CLTCL1: variants seen among roughly 807,000 people sequenced by gnomAD.
CLTCL1 encodes the protein clathrin heavy chain like 1.
In CLTCL1, 159 loss-of-function variants were observed where a neutral mutation model predicts 190.0. That is an observed-to-expected ratio of 0.84 (90% CI 0.74 to 0.95). The LOEUF (loss-of-function observed/expected upper bound fraction) is 0.95. CLTCL1 is among the 40% of genes least tolerant of loss of function. The pLI, the probability that CLTCL1 is intolerant of heterozygous loss-of-function variation, is 0.00. For missense variants in CLTCL1, 1,878 were observed against 2,033.4 expected, an observed-to-expected ratio of 0.92 and a Z score of 1.47; for synonymous variants, 752 against 769.6, an observed-to-expected ratio of 0.98 and a Z score of 0.38.
intron 22 of CLTCL1, 79 bp from the exon 23 acceptor site, chr22:19,201,572 G>A: frequency 7.0e-7 from 1 of 1,427,974 alleles, no homozygotes; most frequent in Non-Finnish European, 9.7e-7. Flanking sequence ...GTTCCTAGAT[G>A]GCAGAGGTAT....
At chr22:19,256,668 T>A (rs1471379517) in intron 2 of CLTCL1, among the ~76,000 whole-genome samples, 5 of 119,620 alleles carry the variant, frequency 4.2e-5, no homozygotes, top group Non-Finnish European at 9.2e-5. Context: ...TAATTTTTAA[T>A]TTTTTTTTTT....
At position 19,282,884 on chromosome 22, in the gene CLTCL1, TTTTA is replaced by T. The variant is rs1555987751; in HGVS notation, c.43-7058_43-7055del. 2.6e-5 allele frequency among the ~76,000 whole-genome samples: 4 copies of T among 151,034 alleles called. No individual in the cohort carries two copies. In the South Asian group the frequency reaches 8.3e-4, roughly 31 times the overall value. ...TTTCTTTCTTTCCTTTTTTTTTTTTTTTTAGACAGAGTCTTACTCTGTCACCCAG... is the reference window on the plus strand; with the variant it reads ...TTTCTTTCTTTCCTTTTTTTTTTTTTGACAGAGTCTTACTCTGTCACCCAG... On this transcript the variant is annotated intron_variant, in intron 1 of 32. Transcript: ENST00000427926.
chr22:19,204,321 C>A (rs2084986703), intron 22 of CLTCL1, among the ~76,000 whole-genome samples: 1 of 152,174 alleles, frequency 6.6e-6, no homozygotes, highest in Non-Finnish European at 1.5e-5. Flanking sequence ...GGCTCCTGCA[C>A]CCCACAATGC....
Position 19,266,038 on chromosome 22 carries a change from A to C in CLTCL1, c.250+9585T>G, listed in dbSNP as rs142558362. ...ACAGACACGTACTACCACACTGGCT[A>C]GTTTTTTGTTTTTGTTTTTTAATTT... On this transcript the variant is annotated intron_variant, in intron 2 of 32. Transcript: ENST00000427926. 2.9e-3 allele frequency among the ~76,000 whole-genome samples: 446 copies of C among 151,690 alleles called. 2 individuals carry two copies. The highest frequency in any genetic ancestry group is 9.6e-3 in the African/African-American group (395 of 41,296).
intron 5 of CLTCL1, among the ~76,000 whole-genome samples, chr22:19,236,290 T>C (rs1382037176): frequency 1.3e-5 from 2 of 152,362 alleles, no homozygotes; most frequent in East Asian, 1.9e-4. Context: ...ACTCCATTTA[T>C]CTTTCAGGTA....
intron 2 of CLTCL1, among the ~76,000 whole-genome samples, chr22:19,266,939 TC>T (rs1481837379): frequency 2.0e-5 from 3 of 152,134 alleles, no homozygotes; most frequent in Non-Finnish European, 4.4e-5. Context: ...CAGAAATAAT[TC>T]AACGATTTCT....
At chr22:19,249,797 C>A (rs2086534339) in intron 3 of CLTCL1, 1 of 231,600 alleles carries the variant, frequency 4.3e-6, no homozygotes, top group South Asian at 4.7e-5. Flanking sequence ...GTTTCCCTTC[C>A]CTTTAATCAG....
At position 19,218,231 on chromosome 22, in the gene CLTCL1, T is replaced by C. The variant is rs138068019; in HGVS notation, c.2919+1654A>G. On this transcript the variant is annotated intron_variant, in intron 18 of 32. Transcript: ENST00000427926. ...CAGTGTTAAAGTGGCCCTTCCCCAGTACCAACATGAAGTCACCTTCAAGGT... is the reference window on the plus strand; with the variant it reads ...CAGTGTTAAAGTGGCCCTTCCCCAGCACCAACATGAAGTCACCTTCAAGGT... Among the ~76,000 whole-genome samples the C allele has an allele frequency of 2.4e-3, 361 of 152,310 alleles. 1 individual carries two copies. The highest frequency in any genetic ancestry group is 8.2e-3 in the African/African-American group (341 of 41,562).
Position 19,187,798 on chromosome 22 carries a change from T to C in CLTCL1, c.4435-70A>G, listed in dbSNP as rs1048158304. ...CTGCCTACACATGGAGCAGGCACCT[T>C]GTGTTACTTGATGGCTGTTGCTATC... On this transcript the variant is annotated intron_variant, in intron 28 of 32. Coordinates refer to ENST00000427926, the MANE Select transcript of CLTCL1 (RefSeq NM_007098.4). 29 of 1,514,156 alleles carry C rather than the reference T, an allele frequency of 1.9e-5. No homozygotes were observed. The Admixed American group carries it at 4.9e-4, about 26-fold the overall frequency. The allele number at this position is 1,514,156 out of a possible 1,614,324, so 93.8% of individuals were successfully genotyped here. A position where few individuals can be genotyped will look rare whatever the true frequency, so the allele number is the denominator to read the frequency against.
rs187692927 is a variant in CLTCL1 at position 19,264,322 on chromosome 22, T to C, written c.251-10095A>G. On this transcript the variant is annotated intron_variant, in intron 2 of 32. Transcript: ENST00000427926. ...AAGTGTTAGCAAGAATGTGAAAAAA[T>C]TGGAACCCTGTGCACTACTGAGAAT... is the stretch of plus-strand genomic sequence containing the variant. 5.3e-5 allele frequency among the ~76,000 whole-genome samples: 8 copies of C among 150,346 alleles called. No homozygotes were observed. The East Asian group carries it at 1.4e-3, about 26-fold the overall frequency.
intron 21 of CLTCL1, 21 bp downstream of exon 21, chr22:19,208,901 A>G: frequency 6.3e-7 from 1 of 1,582,712 alleles, no homozygotes; most frequent in Non-Finnish European, 8.6e-7. Context: ...GCAGAGCCCT[A>G]GGGAGAGGGG....
chr22:19,204,094 ACT>A (rs1373460222), intron 22 of CLTCL1, among the ~76,000 whole-genome samples: 2 of 151,496 alleles, frequency 1.3e-5, no homozygotes, highest in Admixed American at 1.3e-4. Flanking sequence ...CTTGTCCTTC[ACT>A]CTGTTTGTAG....
intron 2 of CLTCL1, among the ~76,000 whole-genome samples, chr22:19,262,694 A>G (rs1358369639): frequency 6.6e-6 from 1 of 151,220 alleles, no homozygotes; most frequent in Non-Finnish European, 1.5e-5. Flanking sequence ...GTGATCAATC[A>G]GCAGCCATTG....
intron 2 of CLTCL1, among the ~76,000 whole-genome samples, chr22:19,263,738 A>C (rs2087030400): frequency 6.6e-6 from 1 of 152,212 alleles, no homozygotes; most frequent in Non-Finnish European, 1.5e-5. Context: ...TTTAATTAAG[A>C]TAATCCATTT....
At chr22:19,274,556 A>T (rs2146284499) in intron 2 of CLTCL1, among the ~76,000 whole-genome samples, 1 of 152,264 alleles carries the variant, frequency 6.6e-6, no homozygotes, top group African/African-American at 2.4e-5. Flanking sequence ...TTTCAAATAA[A>T]AGAATTTCAG....
intron 3 of CLTCL1, among the ~76,000 whole-genome samples, chr22:19,246,046 G>T (rs1198755190): frequency 6.6e-6 from 1 of 151,906 alleles, no homozygotes; most frequent in African/African-American, 2.4e-5. Context: ...GGGTCAAATG[G>T]TAATTCTGTG....
intron 1 of CLTCL1, among the ~76,000 whole-genome samples, chr22:19,278,544 A>G (rs1365959757): frequency 1.3e-5 from 2 of 152,214 alleles, no homozygotes; most frequent in African/African-American, 4.8e-5. Flanking sequence ...AAGCCCCATA[A>G]GCACAACCAC....
chr22:19,234,776 C>A, intron 6 of CLTCL1, 70 bp from the exon 7 acceptor site: 1 of 1,325,948 alleles, frequency 7.5e-7, no homozygotes. Flanking sequence ...GCCATGTTCC[C>A]TTCCGATGCT....
chr22:19,205,926 A>AT (rs1377093528), intron 22 of CLTCL1, among the ~76,000 whole-genome samples: 9 of 107,264 alleles, frequency 8.4e-5, no homozygotes, highest in Admixed American at 3.1e-4. Flanking sequence ...ATTTCCAACC[A>AT]TTGTTTTTTT....
Sources: allele counts gnomAD v4.1 joint callset (sites outside exome capture counted in the v4.1 genomes callset), GRCh38; gene constraint gnomAD v4.1.1; transcripts MANE v1.5; gene names NCBI Gene and HGNC (gene_info 2026-07-23, HGNC 2026-07-21).